Variants in PCDHGA1 observed in about 807,000 individuals in gnomAD.
PCDHGA1 encodes protocadherin gamma subfamily A, 1.
In PCDHGA1, 32 loss-of-function variants were observed where a neutral mutation model predicts 58.0. The observed-to-expected ratio is 0.55, with a 90% CI of 0.42 to 0.74. The LOEUF (loss-of-function observed/expected upper bound fraction) is 0.74. PCDHGA1 is among the 30% of genes least tolerant of loss of function. The pLI is 0.00. For missense variants in PCDHGA1, 1,205 were observed against 1,182.3 expected (o/e 1.02, Z -0.28); for synonymous variants, 498 against 501.1 (o/e 0.99, Z 0.08).
intron 1 of PCDHGA1, chr5:141,413,345 G>A (rs2095628318): frequency 8.7e-6 from 14 of 1,613,996 alleles, no homozygotes; most frequent in Non-Finnish European, 1.0e-5. Flanking sequence ...AAGGACTTGG[G>A]TCTGGCGCCC....
At chr5:141,408,104 C>A (rs546603908) in intron 1 of PCDHGA1, 5 of 1,441,798 alleles carry the variant, frequency 3.5e-6, no homozygotes, top group Non-Finnish European at 2.7e-6. Flanking sequence ...CTCCGAGACC[C>A]GGGACTCCTC....
chr5:141,495,833 G>A (rs559689667), intron 2 of PCDHGA1, among the ~76,000 whole-genome samples: 3 of 151,876 alleles, frequency 2.0e-5, no homozygotes, highest in African/African-American at 4.8e-5. Context: ...TCTATCCCCA[G>A]CCTCTATGTT....
intron 1 of PCDHGA1, chr5:141,344,068 G>T: frequency 6.2e-7 from 1 of 1,600,522 alleles, no homozygotes; most frequent in Non-Finnish European, 8.5e-7. Context: ...AATGGCAGAG[G>T]ACTGGCCCTG....
chr5:141,486,617 C>A lies in PCDHGA1; in HGVS notation c.2422-8190C>A. On this transcript the variant is annotated intron_variant, in intron 1 of 3. Coordinates refer to ENST00000517417, the MANE Select transcript of PCDHGA1 (RefSeq NM_018912.3). The surrounding 1 kb of genome is among the most constrained non-coding windows in gnomAD (Gnocchi z 5.0). The stretch of plus-strand genomic sequence containing the variant: ...GCTTTGCTCCCTTGCAGCCTCTGAC[C>A]CAGACTCTGGCTTGAATGCGCTTAT... The A allele has an allele frequency of 1.2e-6, 2 of 1,613,602 alleles. No homozygotes were observed. The highest frequency in any genetic ancestry group is 2.2e-5 in the East Asian group (1 of 44,874).
At chr5:141,445,844 A>T (rs979756627) in intron 1 of PCDHGA1, among the ~76,000 whole-genome samples, 3 of 152,216 alleles carry the variant, frequency 2.0e-5, no homozygotes, top group Admixed American at 1.3e-4. Context: ...TGTAAATCAC[A>T]CTTAAAATTC....
chr5:141,484,845 G>T (rs541372844), intron 1 of PCDHGA1, among the ~76,000 whole-genome samples: 10 of 152,076 alleles, frequency 6.6e-5, no homozygotes, highest in Admixed American at 2.6e-4. Flanking sequence ...GATAGGCTGG[G>T]TTTTTTGGGG....
At chr5:141,399,376 A>T in intron 1 of PCDHGA1, 1 of 1,613,956 alleles carries the variant, frequency 6.2e-7, no homozygotes, top group Non-Finnish European at 8.5e-7. Context: ...GTACAATGTC[A>T]CCATCACAGC....
At position 141,361,482 on chromosome 5, in the gene PCDHGA1, C is replaced by T. The variant is rs759187963; in HGVS notation, c.2421+28377C>T. The stretch of plus-strand genomic sequence containing the variant: ...ACATCTCCGACGTCAACGATAATGC[C>T]CCAGTTTTCCAACAGACTTCCTACA... On this transcript the variant is annotated intron_variant, in intron 1 of 3. Coordinates refer to ENST00000517417, the MANE Select transcript of PCDHGA1 (RefSeq NM_018912.3). 1.4e-5 allele frequency: 23 copies of T among 1,613,870 alleles called. No homozygotes were observed. In the Admixed American group the frequency reaches 3.2e-4, roughly 22 times the overall value.
At chr5:141,388,261 T>G (rs1439243738) in intron 1 of PCDHGA1, 1 of 1,611,348 alleles carries the variant, frequency 6.2e-7, no homozygotes, top group East Asian at 2.2e-5. Context: ...ATCGAGGACA[T>G]TAATGACCAC....
At position 141,510,947 on chromosome 5, in the gene PCDHGA1, A is replaced by C; in HGVS notation, c.2570A>C (p.Glu857Ala). Residue 857 changes from glutamate to alanine, a missense_variant and splice_region_variant, in exon 4 of 4, where the codon GAA (glutamate) becomes GCA (alanine). By Grantham distance (107) the Glu-to-Ala change is moderately radical. Transcript: ENST00000517417. ...ACCTGATCTTCCTCTGTCTCTGCAG[A>C]AGCTGCTGATGGGAGCTCCACCCTG... ...LQAMILASAS[E>A]AADGSSTLGG... The C allele has an allele frequency of 6.2e-7, 1 of 1,614,084 alleles. No individual in the cohort carries two copies. Among genetic ancestry groups the C allele is most frequent in the Non-Finnish European group, 8.5e-7 (1 of 1,180,000 alleles).
rs759270061 is a variant in PCDHGA1, at chr5:141,372,011, G to A, written c.2421+38906G>A. 4.3e-6 allele frequency: 7 copies of A among 1,613,294 alleles called. No homozygotes were observed. In the South Asian group the frequency reaches 6.6e-5, roughly 15 times the overall value. On this transcript the variant is annotated intron_variant, in intron 1 of 3. Transcript: ENST00000517417. Reference sequence around the variant, plus strand: ...CTCTGCAGGCCCGCGACCAGGGCTCGCCTACGCTCAGCGCCAACGTGAGCC... The same window carrying A: ...CTCTGCAGGCCCGCGACCAGGGCTCACCTACGCTCAGCGCCAACGTGAGCC...
intron 2 of PCDHGA1, among the ~76,000 whole-genome samples, chr5:141,498,024 A>G (rs1455238086): frequency 6.6e-6 from 1 of 152,200 alleles, no homozygotes; most frequent in East Asian, 1.9e-4. Flanking sequence ...GGAGACAAAT[A>G]TTGACCAAAT....
intron 1 of PCDHGA1, chr5:141,418,613 C>T (rs759701663): frequency 9.9e-6 from 16 of 1,613,892 alleles, no homozygotes; most frequent in Non-Finnish European, 1.4e-5. Context: ...GGTTAGCCTT[C>T]GGGAAGACGT....
chr5:141,510,840 A>C (rs2099882997), intron 3 of PCDHGA1, 107 bp from the exon 4 acceptor site: 1 of 1,588,450 alleles, frequency 6.3e-7, no homozygotes, highest in Non-Finnish European at 8.6e-7. Context: ...CAGCGTGGTC[A>C]AGGCCCAGGG....
At chr5:141,398,747 AC>A in intron 1 of PCDHGA1, 1 of 1,613,496 alleles carries the variant, frequency 6.2e-7, no homozygotes, top group Middle Eastern at 1.6e-4. Context: ...CAACAGAGTT[AC>A]CATCGTTTAG....
intron 1 of PCDHGA1, among the ~76,000 whole-genome samples, chr5:141,380,434 T>C (rs919623948): frequency 6.6e-6 from 1 of 152,208 alleles, no homozygotes; most frequent in South Asian, 2.1e-4. Flanking sequence ...AGACTTTACA[T>C]AGAATTCTTT....
Position 141,413,166 on chromosome 5 carries a change from C to T in PCDHGA1, c.2421+80061C>T, listed in dbSNP as rs758193163. ...GTGAGGACTTTGCAGAATTCTGTAA[C>T]CAGACTACAATGGCCGCTCAAAGGA... On this transcript the variant is annotated intron_variant, in intron 1 of 3. Transcript: ENST00000517417. 5 of 1,590,278 alleles carry T rather than the reference C, an allele frequency of 3.1e-6. No individual in the cohort carries two copies. The East Asian group carries it at 1.1e-4, about 36-fold the overall frequency.
intron 1 of PCDHGA1, chr5:141,385,465 G>A: frequency 6.9e-7 from 1 of 1,441,910 alleles, no homozygotes; most frequent in Non-Finnish European, 9.1e-7. Flanking sequence ...TCCTTCAGTG[G>A]TGACACTTTA....
At chr5:141,363,869 A>G (rs1763089883) in intron 1 of PCDHGA1, among the ~76,000 whole-genome samples, 2 of 152,238 alleles carry the variant, frequency 1.3e-5, no homozygotes. Context: ...GATAAGAGGT[A>G]AATAAAGGAC....
Sources: gnomAD v4.1 joint callset for allele counts (sites outside exome capture counted in the v4.1 genomes callset) on GRCh38, gnomAD v4.1.1 for gene constraint, Gnocchi (gnomAD v3.1) non-coding constraint, MANE v1.5 for transcripts, NCBI Gene and HGNC (gene_info 2026-07-23, HGNC 2026-07-21) for gene names.